AMPH: variants seen among roughly 807,000 people sequenced by gnomAD.
AMPH encodes amphiphysin, also known as amphiphysin (Stiff-Mann syndrome with breast cancer 128kD autoantigen).
AMPH carries 49 observed loss-of-function variants against 99.1 expected under a neutral mutation model. That is an observed-to-expected ratio of 0.49 (90% CI 0.39 to 0.63). The LOEUF (loss-of-function observed/expected upper bound fraction) is 0.63, where lower values mean the gene tolerates loss of function less well. Among genes scored for constraint, AMPH ranks in the 20% least tolerant of loss-of-function variants. The pLI is 0.00. For synonymous variants in AMPH, 314 were observed against 317.3 expected, an observed-to-expected ratio of 0.99 and a Z score of 0.11; for missense variants, 759 against 863.4, an observed-to-expected ratio of 0.88 and a Z score of 1.52.
At chr7:38,426,538 T>A (rs975263145) in intron 15 of AMPH, among the ~76,000 whole-genome samples, 1 of 152,210 alleles carries the variant, frequency 6.6e-6, no homozygotes, top group Admixed American at 6.5e-5. Context: ...TCACATTTTC[T>A]AAAGATCCAT....
At chr7:38,560,993 CA>C in intron 1 of AMPH, among the ~76,000 whole-genome samples, 1 of 152,238 alleles carries the variant, frequency 6.6e-6, no homozygotes, top group Non-Finnish European at 1.5e-5. Flanking sequence ...CCCATGCTTT[CA>C]ATTAAAGCAA....
chr7:38,628,185 C>G (rs890464616), intron 1 of AMPH, among the ~76,000 whole-genome samples: 1 of 152,142 alleles, frequency 6.6e-6, no homozygotes, highest in Non-Finnish European at 1.5e-5. Context: ...CACGAATGCA[C>G]AAAAGTTTGC....
chr7:38,605,441 G>A (rs1374980619), intron 1 of AMPH, among the ~76,000 whole-genome samples: 3 of 152,306 alleles, frequency 2.0e-5, no homozygotes, highest in Non-Finnish European at 2.9e-5. Flanking sequence ...AACTTTCTAA[G>A]GCTTTTGTGG....
chr7:38,399,098 C>T (rs1173893682), intron 17 of AMPH, among the ~76,000 whole-genome samples: 5 of 151,522 alleles, frequency 3.3e-5, no homozygotes, highest in Non-Finnish European at 7.4e-5. Flanking sequence ...AGGTAAGGTG[C>T]TAAGGAATTG....
Position 38,481,053 on chromosome 7 carries a change from T to C in AMPH, c.397-4084A>G, listed in dbSNP as rs114472452. Among the ~76,000 whole-genome samples the C allele has an allele frequency of 7.2e-3, 1,092 of 152,312 alleles. 19 individuals carry two copies. Among genetic ancestry groups the C allele is most frequent in the African/African-American group, 0.025 (1,042 of 41,568 alleles). ...GTAAATAATGTGACTCATTTTCTTATGTAATTTTTAAGTCAATTACAAGGA... is the reference window on the plus strand; with the variant it reads ...GTAAATAATGTGACTCATTTTCTTACGTAATTTTTAAGTCAATTACAAGGA... On this transcript the variant is annotated intron_variant, in intron 5 of 20. Coordinates refer to ENST00000356264, the MANE Select transcript of AMPH (RefSeq NM_001635.4).
intron 1 of AMPH, among the ~76,000 whole-genome samples, chr7:38,619,977 G>C (rs1793996667): frequency 6.6e-6 from 1 of 152,084 alleles, no homozygotes; most frequent in Admixed American, 6.5e-5. Context: ...AAAGGTATTA[G>C]ACTGTTCTTC....
Position 38,396,454 on chromosome 7 carries a change from C to T in AMPH, c.1399-2240G>A, listed in dbSNP as rs183816893. Among the ~76,000 whole-genome samples the T allele has an allele frequency of 9.3e-3, 1,424 of 152,320 alleles. 12 individuals carry two copies. Among genetic ancestry groups the T allele is most frequent in the Admixed American group, 0.016 (247 of 15,304 alleles). On this transcript the variant is annotated intron_variant, in intron 17 of 20. Coordinates refer to ENST00000356264, the MANE Select transcript of AMPH (RefSeq NM_001635.4). ...TATGTGGAACTGTAAGTCCAATAAA[C>T]CTCTTTCTTTTGCAAATTGCCCAGT...
At chr7:38,496,320 A>C (rs1788931174) in intron 3 of AMPH, among the ~76,000 whole-genome samples, 1 of 152,196 alleles carries the variant, frequency 6.6e-6, no homozygotes, top group Admixed American at 6.5e-5. Flanking sequence ...GTCCACATGT[A>C]ACTTGGTGTT....
chr7:38,562,721 GAAA>G (rs1010644844), intron 1 of AMPH, among the ~76,000 whole-genome samples: 34 of 148,940 alleles, frequency 2.3e-4, no homozygotes, highest in Non-Finnish European at 4.8e-4. Context: ...GTAAGAGAAA[GAAA>G]AAAAAACCAA....
At chr7:38,487,053 C>T (rs896633311) in intron 5 of AMPH, among the ~76,000 whole-genome samples, 11 of 151,408 alleles carry the variant, frequency 7.3e-5, no homozygotes, top group Admixed American at 2.6e-4. Flanking sequence ...TCTTTTCAAA[C>T]GAAAAAATTA....
chr7:38,428,506 T>C (rs1265018963), intron 14 of AMPH: 4 of 456,762 alleles, frequency 8.8e-6, no homozygotes, highest in South Asian at 6.2e-5. Context: ...ACAAGAGCAT[T>C]TAACACAGTC....
chr7:38,475,930 A>G (rs1454098798), intron 6 of AMPH, among the ~76,000 whole-genome samples: 3 of 152,230 alleles, frequency 2.0e-5, no homozygotes, highest in Admixed American at 6.5e-5. Flanking sequence ...ATAAAGGTGG[A>G]AAGCCTTGAA....
At chr7:38,559,046 G>A (rs1791467346) in intron 1 of AMPH, among the ~76,000 whole-genome samples, 2 of 152,210 alleles carry the variant, frequency 1.3e-5, no homozygotes, top group South Asian at 4.1e-4. Context: ...AAAAACTAAA[G>A]TCACAAAGGA....
At chr7:38,612,466 C>CT (rs1296550035) in intron 1 of AMPH, among the ~76,000 whole-genome samples, 2 of 152,096 alleles carry the variant, frequency 1.3e-5, no homozygotes, top group Admixed American at 6.5e-5. Context: ...AGGCTGGTGT[C>CT]TTTTACATCT....
At chr7:38,429,942 G>C in intron 13 of AMPH, 77 bp from the exon 14 acceptor site, 1 of 1,353,834 alleles carries the variant, frequency 7.4e-7, no homozygotes. Flanking sequence ...ATGCTGTCTA[G>C]AGTCAACATT....
At chr7:38,588,884 A>C (rs530518022) in intron 1 of AMPH, among the ~76,000 whole-genome samples, 2 of 152,264 alleles carry the variant, frequency 1.3e-5, no homozygotes, top group African/African-American at 4.8e-5. Context: ...TTAATTGAAT[A>C]CTTAATGGGC....
intron 1 of AMPH, among the ~76,000 whole-genome samples, chr7:38,540,725 G>T (rs1790778774): frequency 1.9e-5 from 1 of 51,306 alleles, no homozygotes; most frequent in Middle Eastern, 0.023. Flanking sequence ...AAAAAAGCTA[G>T]TCCTACAATC....
intron 2 of AMPH, among the ~76,000 whole-genome samples, chr7:38,505,161 C>T (rs1789275822): frequency 6.6e-6 from 1 of 152,116 alleles, no homozygotes; most frequent in Admixed American, 6.5e-5. Context: ...ACAAAATGTC[C>T]ATCACATTTA....
At chr7:38,400,368 G>A (rs1231425218) in intron 17 of AMPH, among the ~76,000 whole-genome samples, 2 of 152,174 alleles carry the variant, frequency 1.3e-5, no homozygotes, top group Non-Finnish European at 2.9e-5. Flanking sequence ...ATGAGCCACC[G>A]TGCCCAGCCC....
Sources: gnomAD v4.1 joint callset for allele counts (sites outside exome capture counted in the v4.1 genomes callset) on GRCh38, gnomAD v4.1.1 for gene constraint, MANE v1.5 for transcripts, NCBI Gene and HGNC (gene_info 2026-07-23, HGNC 2026-07-21) for gene names.